NR6A1: variants seen among roughly 807,000 people sequenced by gnomAD.
NR6A1 encodes retinoic acid receptor-related testis-associated receptor.
NR6A1 carries 7 observed loss-of-function variants against 59.1 expected under a neutral mutation model. The ratio of observed to expected loss-of-function variants is 0.12; its 90% confidence interval spans 0.07 to 0.22. The LOEUF (loss-of-function observed/expected upper bound fraction) is 0.22. Among genes scored for constraint, NR6A1 ranks in the 10% least tolerant of loss-of-function variants. NR6A1 has a pLI of 1.00. For missense variants in NR6A1, 468 were observed against 611.6 expected, an observed-to-expected ratio of 0.77 and a Z score of 2.48; for synonymous variants, 243 against 236.1, an observed-to-expected ratio of 1.03 and a Z score of -0.27.
intron 2 of NR6A1, among the ~76,000 whole-genome samples, chr9:124,584,185 G>A (rs974552054): frequency 1.3e-5 from 2 of 149,644 alleles, no homozygotes; most frequent in Non-Finnish European, 1.5e-5. Flanking sequence ...TCAGCTCACT[G>A]CAACCTCCAC....
At chr9:124,762,561 C>T (rs763244212) in intron 1 of NR6A1, among the ~76,000 whole-genome samples, 30 of 152,114 alleles carry the variant, frequency 2.0e-4, no homozygotes, top group Non-Finnish European at 3.8e-4. Context: ...TGTGGATAGT[C>T]TTCTTTGATA....
intron 1 of NR6A1, among the ~76,000 whole-genome samples, chr9:124,754,232 A>G (rs568737198): frequency 6.6e-6 from 1 of 152,338 alleles, no homozygotes; most frequent in South Asian, 2.1e-4. Context: ...TGTGAGTAAT[A>G]GGCACTTTAT....
At chr9:124,621,070 T>C (rs1156927005) in intron 2 of NR6A1, among the ~76,000 whole-genome samples, 1 of 152,192 alleles carries the variant, frequency 6.6e-6, no homozygotes, top group East Asian at 1.9e-4. Flanking sequence ...ATAGATACAG[T>C]GGTAAAAATG....
chr9:124,659,592 T>A (rs899772023), intron 2 of NR6A1, among the ~76,000 whole-genome samples: 7 of 152,178 alleles, frequency 4.6e-5, no homozygotes, highest in Non-Finnish European at 1.0e-4. Context: ...CCAACTCTTC[T>A]CAGTCGCGCC....
intron 2 of NR6A1, among the ~76,000 whole-genome samples, chr9:124,666,669 G>A (rs75810023): frequency 0.01 from 1,569 of 152,186 alleles, 27 homozygotes; most frequent in African/African-American, 0.036. Flanking sequence ...CCTTTTGCCT[G>A]GCCATTTAAG....
chr9:124,707,392 C>T lies in NR6A1; in HGVS notation c.142+25916G>A, dbSNP rs1839165846. On this transcript the variant is annotated intron_variant, in intron 2 of 9. Coordinates refer to ENST00000487099, the MANE Select transcript of NR6A1 (RefSeq NM_033334.4). The stretch of plus-strand genomic sequence containing the variant: ...TCTATGTACTAGATCACTGTCATCA[C>T]ACTTCCTCTTTTAATTCTTTAAAAG... Among the ~76,000 whole-genome samples, 3 of 152,112 alleles carry T rather than the reference C, an allele frequency of 2.0e-5. No individual in the cohort carries two copies. The South Asian group carries it at 6.2e-4, about 31-fold the overall frequency.
In NR6A1 at chr9:124,524,792, T is replaced by A. The variant is rs571474482; in HGVS notation, c.1283A>T (p.Tyr428Phe). The A allele has an allele frequency of 1.2e-6, 2 of 1,614,090 alleles. No homozygotes were observed. Among genetic ancestry groups the A allele is most frequent in the South Asian group, 2.2e-5 (2 of 91,066 alleles). Residue 428 changes from tyrosine (Y) to phenylalanine (F), a missense_variant, in exon 9 of 10, where the codon TAT becomes TTT. By Grantham distance (22) the Tyr-to-Phe change is conservative. This residue lies in a region of NR6A1 where 176 missense variants were observed against 264.0 expected (regional missense o/e 0.67). Transcript: ENST00000487099. ...YWYICQDFTE[Y>F]KYTHQPNRFP... ...GCGGTTCGGCTGATGTGTGTATTTA[T>A]ATTCAGTAAAATCCTGGCAAATGTA...
chr9:124,650,801 A>G (rs1837077195), intron 2 of NR6A1, among the ~76,000 whole-genome samples: 1 of 152,232 alleles, frequency 6.6e-6, no homozygotes, highest in African/African-American at 2.4e-5. Context: ...GGTGAATTCT[A>G]GTAAACACTT....
intron 2 of NR6A1, among the ~76,000 whole-genome samples, chr9:124,730,927 T>C (rs971772926): frequency 6.6e-6 from 1 of 152,192 alleles, no homozygotes; most frequent in Non-Finnish European, 1.5e-5. Flanking sequence ...TATCTGTGTA[T>C]CCCTAGAGTC....
At chr9:124,633,895 A>T (rs1836520785) in intron 2 of NR6A1, among the ~76,000 whole-genome samples, 1 of 152,196 alleles carries the variant, frequency 6.6e-6, no homozygotes, top group South Asian at 2.1e-4. Context: ...TCCAGAATTT[A>T]TTTTCATTGC....
chr9:124,680,834 A>G (rs1226194624), intron 2 of NR6A1, among the ~76,000 whole-genome samples: 1 of 152,174 alleles, frequency 6.6e-6, no homozygotes, highest in African/African-American at 2.4e-5. Flanking sequence ...ACTCTAAGAC[A>G]TTATTTGCCT....
chr9:124,541,624 G>C (rs1048714418), intron 4 of NR6A1, among the ~76,000 whole-genome samples: 1 of 152,192 alleles, frequency 6.6e-6, no homozygotes, highest in Non-Finnish European at 1.5e-5. Context: ...CAGCATGGAG[G>C]TTCCTCTAAA....
chr9:124,670,111 G>A (rs773949334), intron 2 of NR6A1, among the ~76,000 whole-genome samples: 41 of 151,992 alleles, frequency 2.7e-4, no homozygotes, highest in South Asian at 8.3e-4. Flanking sequence ...CTGGCAGAGC[G>A]GTTCATGCCT....
chr9:124,711,151 T>C (rs1449403264), intron 2 of NR6A1, among the ~76,000 whole-genome samples: 1 of 136,324 alleles, frequency 7.3e-6, no homozygotes, highest in African/African-American at 2.8e-5. Context: ...ACATGCAAGT[T>C]AAGTAGATTT....
chr9:124,664,081 G>A (rs546207528), intron 2 of NR6A1, among the ~76,000 whole-genome samples: 71 of 152,256 alleles, frequency 4.7e-4, no homozygotes, highest in African/African-American at 1.7e-3. Context: ...GAAAATTCAT[G>A]TCTTAAAATC....
At chr9:124,743,284 C>T (rs1477086046) in intron 1 of NR6A1, among the ~76,000 whole-genome samples, 1 of 152,178 alleles carries the variant, frequency 6.6e-6, no homozygotes, top group African/African-American at 2.4e-5. Flanking sequence ...CTTGACAAAC[C>T]ATACTTAAAG....
At position 124,522,795 on chromosome 9, in the gene NR6A1, T is replaced by TG; in HGVS notation, c.1355-3dup. 2 of 1,580,920 alleles carry TG rather than the reference T, an allele frequency of 1.3e-6. No individual in the cohort carries two copies. Among genetic ancestry groups the TG allele is most frequent in the Non-Finnish European group, 1.7e-6 (2 of 1,163,354 alleles). ...CCAGGGGCACATTCACCATCTTTCC[T>TG]GGGAACAAGGGGGGAGAAGAAGAGT... On this transcript the variant is annotated splice_polypyrimidine_tract_variant and splice_region_variant and intron_variant, in intron 9 of 9. Coordinates refer to ENST00000487099, the MANE Select transcript of NR6A1 (RefSeq NM_033334.4).
chr9:124,523,562 C>A (rs1418830544), intron 9 of NR6A1, among the ~76,000 whole-genome samples: 1 of 151,782 alleles, frequency 6.6e-6, no homozygotes, highest in Non-Finnish European at 1.5e-5. Flanking sequence ...GGAAGTGCCG[C>A]CAAGGCTGAG....
At chr9:124,733,640 C>T (rs1345212898) in intron 1 of NR6A1, among the ~76,000 whole-genome samples, 5 of 152,160 alleles carry the variant, frequency 3.3e-5, no homozygotes, top group Admixed American at 3.3e-4. Context: ...CAATATACAA[C>T]AGCACAAGTA....
Sources: gnomAD v4.1 joint callset for allele counts (sites outside exome capture counted in the v4.1 genomes callset) on GRCh38, gnomAD v4.1.1 for gene constraint, gnomAD v4.1.1 regional missense constraint, MANE v1.5 for transcripts, NCBI Gene and HGNC (gene_info 2026-07-23, HGNC 2026-07-21) for gene names.